Variants in MED12L observed in about 807,000 individuals in gnomAD.
The protein encoded by MED12L is mediator complex subunit 12L.
Under a neutral mutation model 281.3 loss-of-function variants are expected in MED12L, and 60 were observed. The ratio of observed to expected loss-of-function variants is 0.21; its 90% CI spans 0.17 to 0.26. The LOEUF is 0.26. MED12L is among the 10% of genes least tolerant of loss of function. The pLI, the probability that MED12L is intolerant of heterozygous loss-of-function variation, is 1.00. For synonymous variants in MED12L, 974 were observed against 987.2 expected, an observed-to-expected ratio of 0.99 and a Z score of 0.25; for missense variants, 2,146 against 2,680.9, an observed-to-expected ratio of 0.80 and a Z score of 4.41.
intron 23 of MED12L, among the ~76,000 whole-genome samples, chr3:151,366,526 C>T (rs1173021786): frequency 6.6e-6 from 1 of 152,194 alleles, no homozygotes; most frequent in Non-Finnish European, 1.5e-5. Flanking sequence ...GTATATATCA[C>T]TGACTTCCTT....
intron 5 of MED12L, among the ~76,000 whole-genome samples, chr3:151,142,861 T>C (rs761109748): frequency 1.3e-5 from 2 of 152,098 alleles, no homozygotes; most frequent in African/African-American, 4.8e-5. Context: ...GGTTTCAAAG[T>C]CATTTTCCAA....
At chr3:151,341,148 A>C (rs1455923136) in intron 16 of MED12L, among the ~76,000 whole-genome samples, 1 of 152,122 alleles carries the variant, frequency 6.6e-6, no homozygotes, top group Non-Finnish European at 1.5e-5. Flanking sequence ...ATTTTCTTCT[A>C]ACAAGTAATT....
chr3:151,354,833 T>A (rs1753713575), intron 17 of MED12L, among the ~76,000 whole-genome samples: 1 of 152,230 alleles, frequency 6.6e-6, no homozygotes, highest in African/African-American at 2.4e-5. Context: ...TACTATATGA[T>A]TTCCTTTATA....
chr3:151,196,353 G>T (rs1724656870), intron 16 of MED12L, among the ~76,000 whole-genome samples: 1 of 152,146 alleles, frequency 6.6e-6, no homozygotes, highest in Admixed American at 6.5e-5. Flanking sequence ...CTTTAGGAAT[G>T]CTACTGTCTG....
chr3:151,171,065 G>A (rs1000093594), intron 11 of MED12L, among the ~76,000 whole-genome samples: 1 of 152,220 alleles, frequency 6.6e-6, no homozygotes, highest in Non-Finnish European at 1.5e-5. Context: ...TATTCACTCA[G>A]ATGCTTGTCA....
chr3:151,409,918 T>C (rs898767648), intron 40 of MED12L, among the ~76,000 whole-genome samples: 1 of 152,174 alleles, frequency 6.6e-6, no homozygotes, highest in African/African-American at 2.4e-5. Context: ...TGAGCTGTGA[T>C]CTGTTGCCTT....
intron 2 of MED12L, among the ~76,000 whole-genome samples, chr3:151,108,560 G>C (rs915480226): frequency 6.6e-6 from 1 of 152,184 alleles, no homozygotes; most frequent in Non-Finnish European, 1.5e-5. Flanking sequence ...ACCATGAAAA[G>C]TGTTTTGTTT....
chr3:151,273,612 G>A (rs910577692), intron 16 of MED12L, among the ~76,000 whole-genome samples: 5 of 152,040 alleles, frequency 3.3e-5, no homozygotes, highest in African/African-American at 1.2e-4. Context: ...CCATAACTCA[G>A]TAAGGAAAAT....
At chr3:151,328,661 A>G in intron 16 of MED12L, 1 of 1,613,918 alleles carries the variant, frequency 6.2e-7, no homozygotes, top group Non-Finnish European at 8.5e-7. Flanking sequence ...CCCTAACAGC[A>G]CGATGCCCAC....
intron 16 of MED12L, among the ~76,000 whole-genome samples, chr3:151,299,351 TC>T (rs1169624456): frequency 6.2e-5 from 9 of 144,196 alleles, no homozygotes; most frequent in African/African-American, 2.3e-4. Context: ...TTTCCTTCCT[TC>T]CTTCTTTCTT....
At chr3:151,245,874 T>G (rs2149412608) in intron 16 of MED12L, among the ~76,000 whole-genome samples, 1 of 151,748 alleles carries the variant, frequency 6.6e-6, no homozygotes, top group East Asian at 1.9e-4. Context: ...GAAAACCCCA[T>G]CGTTTCAGCC....
intron 16 of MED12L, among the ~76,000 whole-genome samples, chr3:151,224,619 A>G (rs1404856581): frequency 6.6e-6 from 1 of 152,192 alleles, no homozygotes; most frequent in African/African-American, 2.4e-5. Flanking sequence ...CTCTAGGCTC[A>G]GTCAAGGAGA....
Position 151,163,834 on chromosome 3 carries a change from GCTATT to G in MED12L, c.1108-58_1108-54del. 4.7e-6 allele frequency: 7 copies of G among 1,495,654 alleles called. No individual in the cohort carries two copies. The Admixed American group carries it at 5.4e-5, about 11-fold the overall frequency. 92.6% of individuals were successfully genotyped at this position (1,495,654 alleles called of 1,614,324 possible). A position where few individuals can be genotyped will look rare whatever the true frequency, so the allele number is the denominator to read the frequency against. ...GACAGGGTGTCGTTTTTACTGTTTA[GCTATT>G]GTTATGCTTTTCTCCTTCCTCTGAA... On this transcript the variant is annotated intron_variant, in intron 8 of 44. Transcript: ENST00000687756.
At chr3:151,157,533 TTTAA>T (rs1455970319) in intron 6 of MED12L, among the ~76,000 whole-genome samples, 9 of 152,138 alleles carry the variant, frequency 5.9e-5, no homozygotes, top group Non-Finnish European at 1.2e-4. Flanking sequence ...TTAAAAAAAT[TTTAA>T]TTAATTTTTA....
intron 16 of MED12L, among the ~76,000 whole-genome samples, chr3:151,208,675 T>C (rs1282691401): frequency 5.3e-5 from 8 of 152,056 alleles, no homozygotes; most frequent in African/African-American, 1.7e-4. Flanking sequence ...CAAGACTCTA[T>C]GTCAAAAAAA....
chr3:151,141,187 G>GTTTTTTTTTTTTTTGTTTTTTTGTTTTTT (rs76965310), intron 5 of MED12L, among the ~76,000 whole-genome samples: 7 of 99,116 alleles, frequency 7.1e-5, no homozygotes, highest in East Asian at 3.6e-4. Flanking sequence ...TGTTTTTTTT[G>GTTTTTTTTTTTTTTGTTTTTTTGTTTTTT]TTTTTTTTTT....
chr3:151,229,679 G>A (rs1159582991), intron 16 of MED12L, among the ~76,000 whole-genome samples: 7 of 151,558 alleles, frequency 4.6e-5, no homozygotes, highest in Non-Finnish European at 5.9e-5. Flanking sequence ...GGGTTTCATC[G>A]TGGTCTCAAT....
intron 16 of MED12L, among the ~76,000 whole-genome samples, chr3:151,345,674 C>T (rs758457843): frequency 9.2e-5 from 14 of 151,800 alleles, no homozygotes; most frequent in Admixed American, 2.6e-4. Context: ...CCTGCCACCA[C>T]GCCTGGCTAG....
chr3:151,090,122 C>T lies in MED12L; in HGVS notation c.99+3097C>T, dbSNP rs138216624. Among the ~76,000 whole-genome samples the T allele has an allele frequency of 1.1e-3, 171 of 152,168 alleles. 2 individuals carry two copies. The East Asian group carries it at 0.03, about 27-fold the overall frequency. ...TTCCACTCAGCTCTTCTCACCTTAG[C>T]CTGTGGTTAGAAAGGTAGGCTCTGG... On this transcript the variant is annotated intron_variant, in intron 2 of 44. Coordinates refer to ENST00000687756, the MANE Select transcript of MED12L (RefSeq NM_001393769.1).
Sources: allele counts gnomAD v4.1 joint callset (sites outside exome capture counted in the v4.1 genomes callset), GRCh38; gene constraint gnomAD v4.1.1; transcripts MANE v1.5; gene names NCBI Gene and HGNC (gene_info 2026-07-23, HGNC 2026-07-21).